Variants in TRAM2 observed in about 807,000 individuals in gnomAD.
TRAM2 encodes translocation associated membrane protein 2.
A neutral mutation model predicts 51.0 loss-of-function variants in TRAM2; 12 were observed. The ratio of observed to expected loss-of-function variants is 0.24; its 90% CI spans 0.15 to 0.38. The LOEUF is 0.38. Among genes scored for constraint, TRAM2 ranks in the 10% least tolerant of loss-of-function variants. TRAM2 has a pLI of 1.00. For missense variants in TRAM2, 361 were observed against 462.0 expected (o/e 0.78, Z 2.00); for synonymous variants, 175 against 179.4 (o/e 0.98, Z 0.20).
chr6:52,509,369 G>C (rs1468712667), intron 5 of TRAM2, among the ~76,000 whole-genome samples, 159 bp downstream of exon 5: 1 of 152,218 alleles, frequency 6.6e-6, no homozygotes, highest in African/African-American at 2.4e-5. Flanking sequence ...ATGCTGAGAA[G>C]AAGTGGCTTC....
intron 1 of TRAM2, among the ~76,000 whole-genome samples, chr6:52,574,009 G>C (rs1475707661): frequency 6.6e-6 from 1 of 152,138 alleles, no homozygotes; most frequent in Non-Finnish European, 1.5e-5. Flanking sequence ...GGCCAAGTCA[G>C]AACCCCAAAA....
At chr6:52,570,822 C>A (rs955846256) in intron 1 of TRAM2, among the ~76,000 whole-genome samples, 1 of 144,122 alleles carries the variant, frequency 6.9e-6, no homozygotes, top group Admixed American at 7.0e-5. Context: ...CACACACACT[C>A]TGCCTCCATT....
intron 2 of TRAM2, among the ~76,000 whole-genome samples, chr6:52,518,539 T>C (rs941213782): frequency 2.0e-5 from 3 of 152,182 alleles, no homozygotes; most frequent in African/African-American, 7.2e-5. Context: ...AGAAAGCTGT[T>C]CCTGTGATCC....
chr6:52,520,815 C>T (rs972744108), intron 2 of TRAM2, among the ~76,000 whole-genome samples: 1 of 152,198 alleles, frequency 6.6e-6, no homozygotes, highest in South Asian at 2.1e-4. Context: ...CTTACTCCTA[C>T]AATCATAAGG....
rs143579024 is a variant in TRAM2 at position 52,528,951 on chromosome 6, C to T, written c.184+6832G>A. Reference sequence around the variant, plus strand: ...TGTCACCCAGGCTGGAGTGCAGTGGCGTGGTCTCAGCTCACTGCAACCTCC... The same window carrying T: ...TGTCACCCAGGCTGGAGTGCAGTGGTGTGGTCTCAGCTCACTGCAACCTCC... On this transcript the variant is annotated intron_variant, in intron 2 of 10. Transcript: ENST00000182527. Among the ~76,000 whole-genome samples the T allele has an allele frequency of 7.9e-3, 1,153 of 146,392 alleles. 24 individuals carry two copies. The highest frequency in any genetic ancestry group is 0.011 in the East Asian group (57 of 5,052).
chr6:52,543,130 T>C (rs1767133959), intron 1 of TRAM2, among the ~76,000 whole-genome samples: 1 of 151,506 alleles, frequency 6.6e-6, no homozygotes, highest in South Asian at 2.1e-4. Flanking sequence ...GAAGTAAATG[T>C]ATTACTTCTT....
At chr6:52,537,820 A>G (rs1183368543) in intron 1 of TRAM2, among the ~76,000 whole-genome samples, 1 of 152,108 alleles carries the variant, frequency 6.6e-6, no homozygotes, top group Admixed American at 6.5e-5. Flanking sequence ...AAGATGAAAA[A>G]TCAAAAGCCA....
intron 8 of TRAM2, 103 bp downstream of exon 8, chr6:52,505,929 A>G (rs1766339741): frequency 2.8e-6 from 4 of 1,424,078 alleles, no homozygotes; most frequent in Non-Finnish European, 3.9e-6. Flanking sequence ...CCTGCAGGTA[A>G]GCGGGCAGTG....
chr6:52,519,367 T>A (rs1766620884), intron 2 of TRAM2, among the ~76,000 whole-genome samples: 1 of 152,142 alleles, frequency 6.6e-6, no homozygotes, highest in Admixed American at 6.5e-5. Flanking sequence ...AATAAAGACA[T>A]GAAAGATACT....
chr6:52,548,566 G>A (rs1297720075), intron 1 of TRAM2, among the ~76,000 whole-genome samples: 1 of 152,214 alleles, frequency 6.6e-6, no homozygotes, highest in Non-Finnish European at 1.5e-5. Flanking sequence ...TGCTCCCAGA[G>A]GCCCTAATGT....
chr6:52,502,968 AG>A lies in TRAM2; in HGVS notation c.*228del. 1 of 589,238 alleles carries A rather than the reference AG, an allele frequency of 1.7e-6. No individual in the cohort carries two copies. 36.5% of individuals were successfully genotyped at this position (589,238 alleles called of 1,614,324 possible). On this transcript the variant is annotated 3_prime_UTR_variant, in exon 11 of 11. Transcript: ENST00000182527. ...AGGAGTGAGGACAGGAGGTGGCCTG[AG>A]GGGGAGAAAGAGAAAGATTTTTGGC...
Position 52,530,284 on chromosome 6 carries a change from G to A in TRAM2, c.184+5499C>T, listed in dbSNP as rs1766862380. Among the ~76,000 whole-genome samples the A allele has an allele frequency of 3.3e-5, 5 of 152,154 alleles. No homozygotes were observed. In the South Asian group the frequency reaches 1.0e-3, roughly 32 times the overall value. ...CCTCAAGGACGCCAGGGTGGCAGGGGCTCCACCAGGATGCATAAGATGCAT... is the reference window on the plus strand; with the variant it reads ...CCTCAAGGACGCCAGGGTGGCAGGGACTCCACCAGGATGCATAAGATGCAT... On this transcript the variant is annotated intron_variant, in intron 2 of 10. Transcript: ENST00000182527.
intron 7 of TRAM2, 68 bp downstream of exon 7, chr6:52,507,485 G>A: frequency 2.0e-6 from 3 of 1,485,624 alleles, no homozygotes; most frequent in Non-Finnish European, 2.8e-6. Context: ...ATAATTATAT[G>A]AGTGTGTGGA....
intron 2 of TRAM2, among the ~76,000 whole-genome samples, chr6:52,530,968 G>A (rs547494916): frequency 3.3e-5 from 5 of 152,190 alleles, no homozygotes; most frequent in African/African-American, 4.8e-5. Context: ...GAAAACATCC[G>A]CTGAGGAAGA....
chr6:52,532,514 C>T (rs1020917909), intron 2 of TRAM2, among the ~76,000 whole-genome samples: 6 of 152,052 alleles, frequency 3.9e-5, no homozygotes, highest in African/African-American at 1.4e-4. Context: ...TATTAAATGA[C>T]AGAAGGTATT....
chr6:52,497,732 A>G lies in TRAM2; in HGVS notation c.*5465T>C, dbSNP rs879218892. On this transcript the variant is annotated 3_prime_UTR_variant, in exon 11 of 11. Coordinates refer to ENST00000182527, the MANE Select transcript of TRAM2 (RefSeq NM_012288.4). ...CTCAGGGCACCAGCAGCCTTAGTTC[A>G]TCCTTCAGATGTTTTTTTAAACAGA... 2 of 152,632 alleles carry G rather than the reference A, an allele frequency of 1.3e-5. No homozygotes were observed. Among genetic ancestry groups the G allele is most frequent in the South Asian group, 4.1e-4 (2 of 4,832 alleles). The allele number at this position is 152,632 out of a possible 1,614,324, so 9.5% of individuals were successfully genotyped here.
chr6:52,540,433 T>C (rs1441181697), intron 1 of TRAM2, among the ~76,000 whole-genome samples: 1 of 152,190 alleles, frequency 6.6e-6, no homozygotes, highest in East Asian at 1.9e-4. Flanking sequence ...GTCCTACTCA[T>C]TGGCTAAAGG....
chr6:52,503,360 C>A, intron 10 of TRAM2, 90 bp from the exon 11 acceptor site: 1 of 1,190,020 alleles, frequency 8.4e-7, no homozygotes. Flanking sequence ...AGGAAGGGGC[C>A]CGGGCAGCCC....
chr6:52,514,504 A>G (rs530499000), intron 4 of TRAM2, among the ~76,000 whole-genome samples: 2 of 152,326 alleles, frequency 1.3e-5, no homozygotes, highest in Non-Finnish European at 2.9e-5. Context: ...TGCCTCCCCA[A>G]GAAAAGCCTA....
Sources: allele counts gnomAD v4.1 joint callset (sites outside exome capture counted in the v4.1 genomes callset), GRCh38; gene constraint gnomAD v4.1.1; transcripts MANE v1.5; gene names NCBI Gene and HGNC (gene_info 2026-07-23, HGNC 2026-07-21).